TIAM1: variants seen among roughly 807,000 people sequenced by gnomAD.
TIAM1 encodes the protein rho guanine nucleotide exchange factor TIAM1.
A neutral mutation model predicts 163.5 loss-of-function variants in TIAM1; 65 were observed. The observed-to-expected ratio is 0.40, with a 90% CI of 0.33 to 0.49. The LOEUF (loss-of-function observed/expected upper bound fraction) is 0.49, where lower values mean the gene tolerates loss of function less well. TIAM1 is among the 20% of genes least tolerant of loss of function. The pLI is 0.77. For synonymous variants in TIAM1, 833 were observed against 810.1 expected, an observed-to-expected ratio of 1.03 and a Z score of -0.48; for missense variants, 1,789 against 2,044.7, an observed-to-expected ratio of 0.87 and a Z score of 2.41.
At chr21:31,295,524 G>C (rs1208224464) in intron 2 of TIAM1, among the ~76,000 whole-genome samples, 2 of 142,988 alleles carry the variant, frequency 1.4e-5, no homozygotes, top group East Asian at 4.3e-4. Context: ...TAGCAATGAA[G>C]ACATGAGATG....
chr21:31,132,298 C>G (rs1016072834), intron 23 of TIAM1, among the ~76,000 whole-genome samples: 2 of 152,148 alleles, frequency 1.3e-5, no homozygotes, highest in African/African-American at 4.8e-5. Context: ...CGCTGAGATG[C>G]AAAGAAACTG....
In TIAM1 at chr21:31,223,487, C is replaced by T. The variant is rs372313075; in HGVS notation, c.1914G>A (p.Arg638=). The T allele has an allele frequency of 5.6e-6, 9 of 1,613,826 alleles. No homozygotes were observed. In the African/African-American group the frequency reaches 1.1e-4, roughly 19 times the overall value. Residue 638 remains arginine (R), a synonymous_variant, in exon 8 of 28, where the codon AGG becomes AGA. Transcript: ENST00000541036. Reference sequence around the variant, plus strand: ...TTGGTCGACTTGCAAAAGCGAGAAGCCTTTTGGGGTTTGGCAGCTCCCCAC... The same window carrying T: ...TTGGTCGACTTGCAAAAGCGAGAAGTCTTTTGGGGTTTGGCAGCTCCCCAC... ...LQGGELPNPK[R]LLAFASRPTK... is the part of the protein sequence containing the mutation.
chr21:31,474,891 G>A (rs2045881087), intron 1 of TIAM1, among the ~76,000 whole-genome samples: 1 of 151,902 alleles, frequency 6.6e-6, no homozygotes, highest in Non-Finnish European at 1.5e-5. Context: ...AGCCCTACAG[G>A]GAAAACCTGT....
At chr21:31,253,246 C>G (rs535120468) in intron 4 of TIAM1, among the ~76,000 whole-genome samples, 7 of 152,356 alleles carry the variant, frequency 4.6e-5, no homozygotes, top group African/African-American at 1.7e-4. Context: ...GAACGGGAGG[C>G]TGAGTCTAAT....
chr21:31,150,317 T>C (rs1284526768), intron 19 of TIAM1, among the ~76,000 whole-genome samples: 1 of 152,092 alleles, frequency 6.6e-6, no homozygotes, highest in Non-Finnish European at 1.5e-5. Context: ...AGGTAGAATA[T>C]CGAGGTGAGG....
chr21:31,243,192 C>CAAAA lies in TIAM1; in HGVS notation c.1584+2292_1584+2295dup, dbSNP rs60242603. On this transcript the variant is annotated intron_variant, in intron 6 of 27. Transcript: ENST00000541036. ...GGGCAACAAAAGCAAAACTTCATCTCAAAAAAAAAAAAAAAAAATATATAT... is the reference window on the plus strand; with the variant it reads ...GGGCAACAAAAGCAAAACTTCATCTCAAAAAAAAAAAAAAAAAAAAAATATATAT... 3.6e-3 allele frequency among the ~76,000 whole-genome samples: 360 copies of CAAAA among 100,896 alleles called. 1 individual carries two copies. Among genetic ancestry groups the CAAAA allele is most frequent in the African/African-American group, 0.012 (334 of 27,008 alleles). 66.2% of individuals were successfully genotyped at this position (100,896 alleles called of 152,430 possible). A position where few individuals can be genotyped will look rare whatever the true frequency, so the allele number is the denominator to read the frequency against.
rs566318464 is a variant in TIAM1, at chr21:31,362,913, G to A, written c.-368-23491C>T. Among the ~76,000 whole-genome samples, 9 of 152,166 alleles carry A rather than the reference G, an allele frequency of 5.9e-5. 1 individual carries two copies. Among genetic ancestry groups the A allele is most frequent in the African/African-American group, 2.2e-4 (9 of 41,506 alleles). ...AACAGGACATCGAGTTCTCTGATGG[G>A]TATTTTTTTTGCATAGGATTGGTGG... On this transcript the variant is annotated intron_variant, in intron 2 of 28. Coordinates refer to the TIAM1 transcript ENST00000286827.
chr21:31,362,556 T>A lies in TIAM1; in HGVS notation c.-368-23134A>T, dbSNP rs2076426365. Among the ~76,000 whole-genome samples the A allele has an allele frequency of 2.0e-5, 3 of 151,772 alleles. No homozygotes were observed. In the South Asian group the frequency reaches 6.3e-4, roughly 32 times the overall value. ...ATCTTGGCTCACTGCAACATCTAGC[T>A]CCCGGGTTCAAGCGATTCTCCTGCC... On this transcript the variant is annotated intron_variant, in intron 2 of 28. Coordinates refer to the TIAM1 transcript ENST00000286827.
intron 1 of TIAM1, among the ~76,000 whole-genome samples, chr21:31,545,180 G>C (rs1952059926): frequency 6.6e-6 from 1 of 152,150 alleles, no homozygotes; most frequent in African/African-American, 2.4e-5. Context: ...GGGAGATGTG[G>C]AAACAGACAC....
rs149487695 is a variant in TIAM1 at position 31,556,903 on chromosome 21, A to G, written c.-422+2024T>C. On this transcript the variant is annotated intron_variant, in intron 1 of 28. Transcript: ENST00000286827. ...ACAAAAAAGCATATGCTGGAAACCAACAATTTACCAAACTTCTTCAGCTAC... is the reference window on the plus strand; with the variant it reads ...ACAAAAAAGCATATGCTGGAAACCAGCAATTTACCAAACTTCTTCAGCTAC... Among the ~76,000 whole-genome samples, 4 of 152,320 alleles carry G rather than the reference A, an allele frequency of 2.6e-5. No homozygotes were observed. In the East Asian group the frequency reaches 7.7e-4, roughly 29 times the overall value.
rs374765633 is a variant in TIAM1 at position 31,452,367 on chromosome 21, A to G, written c.-369+11616T>C. On this transcript the variant is annotated intron_variant, in intron 2 of 28. Coordinates refer to the TIAM1 transcript ENST00000286827. ...GGCATGAGAATCACTTGAGCCCGGGAGGCAGAGATTGCAGTGAGCCAAGAT... is the reference window on the plus strand; with the variant it reads ...GGCATGAGAATCACTTGAGCCCGGGGGGCAGAGATTGCAGTGAGCCAAGAT... 1.2e-4 allele frequency: 28 copies of G among 228,216 alleles called. 1 individual carries two copies. The highest frequency in any genetic ancestry group is 5.8e-4 in the African/African-American group (25 of 42,740). The allele number at this position is 228,216 out of a possible 1,614,324, so 14.1% of individuals were successfully genotyped here.
At chr21:31,519,983 T>C (rs1482561076) in intron 1 of TIAM1, among the ~76,000 whole-genome samples, 1 of 152,180 alleles carries the variant, frequency 6.6e-6, no homozygotes, top group Non-Finnish European at 1.5e-5. Context: ...TGGCTGCTGG[T>C]GAGGCAACGT....
intron 1 of TIAM1, among the ~76,000 whole-genome samples, chr21:31,486,630 G>A (rs995520542): frequency 6.6e-6 from 1 of 152,240 alleles, no homozygotes; most frequent in Non-Finnish European, 1.5e-5. Flanking sequence ...CACGGGCTTG[G>A]CAGCCAGGCT....
chr21:31,447,028 T>C (rs545627258), intron 2 of TIAM1, among the ~76,000 whole-genome samples: 129 of 152,256 alleles, frequency 8.5e-4, no homozygotes, highest in African/African-American at 3.1e-3. Context: ...CTTACCCCTA[T>C]GAACCACAAT....
chr21:31,210,812 A>AAGAAAGAAAGAAAGGT (rs1300979066), intron 10 of TIAM1, among the ~76,000 whole-genome samples: 2 of 147,634 alleles, frequency 1.4e-5, no homozygotes, highest in South Asian at 2.1e-4. Flanking sequence ...GAAAGAAAGA[A>AAGAAAGAAAGAAAGGT]AGGTCACCAT....
chr21:31,519,950 G>A (rs1451648585), intron 1 of TIAM1, among the ~76,000 whole-genome samples: 1 of 152,166 alleles, frequency 6.6e-6, no homozygotes, highest in East Asian at 1.9e-4. Flanking sequence ...GTTTCCATTT[G>A]GGAAGATGAA....
intron 25 of TIAM1, among the ~76,000 whole-genome samples, chr21:31,129,655 G>A (rs574896936): frequency 8.1e-4 from 123 of 152,306 alleles, no homozygotes; most frequent in African/African-American, 2.6e-3. Context: ...GCAATGGAAT[G>A]AGACCCCATC....
At chr21:31,352,722 A>C (rs988680785) in intron 2 of TIAM1, among the ~76,000 whole-genome samples, 9 of 151,562 alleles carry the variant, frequency 5.9e-5, no homozygotes, top group Admixed American at 5.9e-4. Context: ...TAAATAAATA[A>C]ATATTAGCCA....
In TIAM1 at chr21:31,252,104, G is replaced by A; in HGVS notation, c.1049C>T (p.Ser350Phe). ...TGAGTAGCTGGAGTTGGTGGCATTA[G>A]ATCGCCTGGACAGGAGGTCCGTGTC... is the stretch of plus-strand genomic sequence containing the variant. Reference protein sequence around the residue: ...TTDTDLLSRRSNATNSSYSPT... With the variant: ...TTDTDLLSRRFNATNSSYSPT... Residue 350 changes from serine to phenylalanine, a missense_variant, in exon 5 of 28, where the codon TCT becomes TTT. Ser to Phe is a radical substitution (Grantham distance 155). Coordinates refer to ENST00000541036, the MANE Select transcript of TIAM1 (RefSeq NM_001353694.2). 6 of 1,613,764 alleles carry A rather than the reference G, an allele frequency of 3.7e-6. No homozygotes were observed. Among genetic ancestry groups the A allele is most frequent in the Non-Finnish European group, 5.1e-6 (6 of 1,180,042 alleles).
Sources: gnomAD v4.1 joint callset for allele counts (sites outside exome capture counted in the v4.1 genomes callset) on GRCh38, gnomAD v4.1.1 for gene constraint, MANE v1.5 for transcripts, NCBI Gene and HGNC (gene_info 2026-07-23, HGNC 2026-07-21) for gene names.